The following TTLL13 variants were observed in gnomAD, a reference collection of about 807,000 sequenced individuals.
TTLL13 encodes tubulin polyglutamylase TTLL13.
the TTLL13 span, chr15:90,264,863 A>G: frequency 6.5e-7 from 1 of 1,536,036 alleles, no homozygotes; most frequent in African/African-American, 1.4e-5. Context: ...CTTGCCCTCC[A>G]TGGTAAACTC....
the TTLL13 span, chr15:90,258,433 A>G: frequency 1.5e-6 from 1 of 679,396 alleles, no homozygotes; most frequent in South Asian, 1.8e-5. Context: ...TACCCTTTTG[A>G]CCTGCTGAGT....
the TTLL13 span, chr15:90,261,985 C>T: frequency 6.6e-7 from 1 of 1,520,310 alleles, no homozygotes; most frequent in Non-Finnish European, 8.8e-7. Flanking sequence ...ACTCTTGACT[C>T]ACTGAGCTTG....
the TTLL13 span, chr15:90,257,327 TGAGGTTCTCTA>T: frequency 6.3e-7 from 1 of 1,578,528 alleles, no homozygotes; most frequent in Non-Finnish European, 8.6e-7. Flanking sequence ...CCAAAAGTGC[TGAGGTTCTCTA>T]GAGAAACATG....
the TTLL13 span, chr15:90,256,265 G>T: frequency 4.3e-6 from 7 of 1,614,206 alleles, no homozygotes; most frequent in South Asian, 7.7e-5. Context: ...CAAGCCAGGA[G>T]AGCATATGAT....
the TTLL13 span, chr15:90,250,720 C>G: frequency 6.2e-7 from 1 of 1,614,078 alleles, no homozygotes; most frequent in East Asian, 2.2e-5. Context: ...AGGGAGTTAC[C>G]AACCCCTCTA....
At chr15:90,262,784 C>A in the TTLL13 span, 1 of 1,222,344 alleles carries the variant, frequency 8.2e-7, no homozygotes, top group Non-Finnish European at 1.1e-6. Context: ...GAGAGGAGTT[C>A]CTAATCAGTA....
At chr15:90,260,990 C>A in the TTLL13 span, among the ~76,000 whole-genome samples, 1 of 152,042 alleles carries the variant, frequency 6.6e-6, no homozygotes, top group Non-Finnish European at 1.5e-5. Flanking sequence ...AATCAACATG[C>A]TAATTGCATA....
the TTLL13 span, chr15:90,263,478 A>AT: frequency 2.0e-6 from 1 of 496,300 alleles, no homozygotes; most frequent in Admixed American, 3.6e-5. Flanking sequence ...CTTCTGTATA[A>AT]TTTTCTCCCT....
chr15:90,256,641 C>CCT, the TTLL13 span, among the ~76,000 whole-genome samples: 17 of 83,286 alleles, frequency 2.0e-4, no homozygotes, highest in Middle Eastern at 0.019. Context: ...TTCCTTCCTT[C>CCT]TTTCTTTCTC....
chr15:90,256,916 G>A, the TTLL13 span, among the ~76,000 whole-genome samples: 1 of 152,006 alleles, frequency 6.6e-6, no homozygotes, highest in Non-Finnish European at 1.5e-5. Context: ...TTGAACTCCT[G>A]AACTCGTGAT....
the TTLL13 span, chr15:90,262,899 C>G: frequency 6.8e-7 from 1 of 1,465,686 alleles, no homozygotes; most frequent in Non-Finnish European, 9.1e-7. Flanking sequence ...AGGCCTGTAG[C>G]CATCCTGGGT....
the TTLL13 span, chr15:90,255,918 C>G: frequency 1.2e-6 from 2 of 1,613,538 alleles, no homozygotes; most frequent in African/African-American, 2.7e-5. Context: ...GCTGAGATAC[C>G]AGGGGGAGGA....
At chr15:90,256,573 C>CT in the TTLL13 span, among the ~76,000 whole-genome samples, 3 of 56,358 alleles carry the variant, frequency 5.3e-5, no homozygotes, top group African/African-American at 1.9e-4. Flanking sequence ...TTCTTTCTTT[C>CT]TTTCTTTCTT....
At chr15:90,265,147 A>C in the TTLL13 span, 1 of 1,236,522 alleles carries the variant, frequency 8.1e-7, no homozygotes, top group Non-Finnish European at 1.1e-6. Flanking sequence ...CCTAAGATTA[A>C]TTGGGGATCG....
the TTLL13 span, chr15:90,265,274 G>A: frequency 1.6e-6 from 2 of 1,252,788 alleles, no homozygotes; most frequent in Non-Finnish European, 2.0e-6. Context: ...GCGGCCCGGG[G>A]CTGGAGGCCA....
At chr15:90,255,675 C>T in the TTLL13 span, 1 of 1,596,312 alleles carries the variant, frequency 6.3e-7, no homozygotes, top group Admixed American at 1.7e-5. Flanking sequence ...TCCCAATCCT[C>T]CTCCACTGCT....
chr15:90,264,993 T>TCCTGGATAACCTCC, the TTLL13 span: 4 of 1,520,286 alleles, frequency 2.6e-6, no homozygotes, highest in Middle Eastern at 3.4e-4. Context: ...ACTCTACCTC[T>TCCTGGATAACCTCC]CCTGGATAAC....
chr15:90,258,584 C>T, the TTLL13 span: 1 of 655,808 alleles, frequency 1.5e-6, no homozygotes, highest in Non-Finnish European at 2.6e-6. Context: ...TTGGAGATCT[C>T]TATGGCAGAG....
the TTLL13 span, chr15:90,250,647 G>A: frequency 1.2e-6 from 2 of 1,614,002 alleles, no homozygotes; most frequent in South Asian, 2.2e-5. Flanking sequence ...CCGAGTACCT[G>A]TAGGACCATG....
Sources: allele counts gnomAD v4.1 joint callset (sites outside exome capture counted in the v4.1 genomes callset), GRCh38; gene constraint gnomAD v4.1.1; transcripts MANE v1.5; gene names NCBI Gene and HGNC (gene_info 2026-07-23, HGNC 2026-07-21).